The following COL4A2 variants were observed in gnomAD, a reference collection of about 807,000 sequenced individuals.
The protein encoded by COL4A2 is collagen type IV alpha 2 chain, also known as collagen alpha-2(IV) chain.
Under a neutral mutation model 200.2 loss-of-function variants are expected in COL4A2, and 99 were observed. The ratio of observed to expected loss-of-function variants is 0.49; its 90% CI spans 0.42 to 0.58. COL4A2 has a LOEUF of 0.58. Among genes scored for constraint, COL4A2 ranks in the 20% least tolerant of loss-of-function variants. COL4A2 has a pLI of 0.00. For missense variants in COL4A2, 1,950 were observed against 2,314.1 expected (o/e 0.84, Z 3.23); for synonymous variants, 897 against 900.6 (o/e 1.00, Z 0.07).
At chr13:110,424,640 C>CAAAAAAA in intron 4 of COL4A2, 94 bp from the exon 5 acceptor site, 88 of 698,924 alleles carry the variant, frequency 1.3e-4, no homozygotes, top group South Asian at 1.7e-4. Flanking sequence ...TCTTTAAAAA[C>CAAAAAAA]AAAAAAAAAA....
intron 4 of COL4A2, among the ~76,000 whole-genome samples, chr13:110,399,275 CGTA>C (rs1879290043): frequency 6.6e-6 from 1 of 152,194 alleles, no homozygotes; most frequent in African/African-American, 2.4e-5. Context: ...TTGTTCCTCC[CGTA>C]AGCCCTCAGA....
At chr13:110,437,627 T>A (rs1458095954) in intron 13 of COL4A2, among the ~76,000 whole-genome samples, 1 of 152,224 alleles carries the variant, frequency 6.6e-6, no homozygotes, top group East Asian at 1.9e-4. Context: ...GAGGGCCTCC[T>A]AGTAATGTTT....
chr13:110,431,558 G>A (rs547069614), intron 10 of COL4A2, among the ~76,000 whole-genome samples: 7 of 152,308 alleles, frequency 4.6e-5, no homozygotes, highest in East Asian at 3.9e-4. Flanking sequence ...AGGGTCATAC[G>A]AGGCGCTGTT....
chr13:110,440,712 C>T (rs1881088201), intron 16 of COL4A2, among the ~76,000 whole-genome samples: 1 of 152,204 alleles, frequency 6.6e-6, no homozygotes, highest in African/African-American at 2.4e-5. Context: ...GTGGTTGATG[C>T]CTTTTCACTG....
rs74516078 is a variant in COL4A2 at position 110,443,051 on chromosome 13, G to A, written c.958-2778G>A. On this transcript the variant is annotated intron_variant, in intron 16 of 47. Coordinates refer to ENST00000360467, the MANE Select transcript of COL4A2 (RefSeq NM_001846.4). Reference sequence around the variant, plus strand: ...TGTCGATGACTTGGACTCACCAGATGCAGCCTCAGTGTTCCCTGTGGCTGT... The same window carrying A: ...TGTCGATGACTTGGACTCACCAGATACAGCCTCAGTGTTCCCTGTGGCTGT... Among the ~76,000 whole-genome samples the A allele has an allele frequency of 6.7e-3, 1,017 of 152,326 alleles. 3 individuals are homozygous for A. The highest frequency in any genetic ancestry group is 0.011 in the Non-Finnish European group (765 of 68,022).
At chr13:110,350,725 TGCTAGAAAGCAG>T (rs1166706249) in intron 3 of COL4A2, among the ~76,000 whole-genome samples, 1 of 152,178 alleles carries the variant, frequency 6.6e-6, no homozygotes, top group Non-Finnish European at 1.5e-5. Flanking sequence ...CTGGAAGTCA[TGCTAGAAAGCAG>T]GTTCTGCTCC....
At chr13:110,501,858 G>A in intron 41 of COL4A2, 74 bp downstream of exon 41, 2 of 1,419,482 alleles carry the variant, frequency 1.4e-6, no homozygotes, top group Non-Finnish European at 2.0e-6. Context: ...TTAATGTAGG[G>A]GGAGAACAGA....
intron 45 of COL4A2, among the ~76,000 whole-genome samples, chr13:110,506,185 T>C (rs1007144215): frequency 1.3e-5 from 2 of 151,762 alleles, no homozygotes; most frequent in Non-Finnish European, 2.9e-5. Flanking sequence ...ACTCTCTCTC[T>C]CTCTCAGGCT....
rs370759851 is a variant in COL4A2, at chr13:110,384,721, G to C, written c.180+27169G>C. ...CCTTCCCAAGCCAAGTCACAGCTGA[G>C]CCCTGTGTCCTTAGCACCCTCCAAA... On this transcript the variant is annotated intron_variant, in intron 4 of 47. Transcript: ENST00000360467. Among the ~76,000 whole-genome samples the C allele has an allele frequency of 3.2e-4, 49 of 152,278 alleles. No homozygotes were observed. The South Asian group carries it at 8.1e-3, about 25-fold the overall frequency.
At position 110,385,869 on chromosome 13, in the gene COL4A2, G is replaced by C. The variant is rs528769984; in HGVS notation, c.180+28317G>C. On this transcript the variant is annotated intron_variant, in intron 4 of 47. Transcript: ENST00000360467. Reference sequence around the variant, plus strand: ...TGGATAGGCCGTGGTTGCAGCGTGTGGATGGGCCGTGGTTACAGCGTGTGG... The same window carrying C: ...TGGATAGGCCGTGGTTGCAGCGTGTCGATGGGCCGTGGTTACAGCGTGTGG... Among the ~76,000 whole-genome samples the C allele has an allele frequency of 1.4e-3, 174 of 121,694 alleles. 8 individuals carry two copies. The highest frequency in any genetic ancestry group is 4.6e-3 in the African/African-American group (144 of 31,194). The allele number at this position is 121,694 out of a possible 152,430, so 79.8% of individuals were successfully genotyped here.
intron 3 of COL4A2, among the ~76,000 whole-genome samples, chr13:110,350,338 A>G (rs1168857406): frequency 1.3e-5 from 2 of 152,238 alleles, no homozygotes; most frequent in Non-Finnish European, 2.9e-5. Flanking sequence ...TACCAGTTTC[A>G]GAACAGGAAA....
At chr13:110,373,960 C>T (rs761803610) in intron 4 of COL4A2, among the ~76,000 whole-genome samples, 3 of 152,200 alleles carry the variant, frequency 2.0e-5, no homozygotes, top group African/African-American at 4.8e-5. Context: ...TTTGCACGGC[C>T]GCAGTAGAGA....
intron 4 of COL4A2, among the ~76,000 whole-genome samples, chr13:110,377,576 G>A (rs11838637): frequency 0.35 from 53,876 of 152,096 alleles, 9,681 homozygotes; most frequent in East Asian, 0.45. Context: ...TCAGGAGGGT[G>A]GGAATTGTGA....
intron 29 of COL4A2, among the ~76,000 whole-genome samples, chr13:110,475,470 T>A (rs1414521393): frequency 6.6e-6 from 1 of 152,218 alleles, no homozygotes; most frequent in Non-Finnish European, 1.5e-5. Context: ...TTTTAAAACT[T>A]AATTACTTCC....
At chr13:110,356,754 G>A (rs192626773) in intron 3 of COL4A2, among the ~76,000 whole-genome samples, 3 of 146,156 alleles carry the variant, frequency 2.1e-5, no homozygotes, top group African/African-American at 7.5e-5. Context: ...GCTTGGCATC[G>A]GGCAGTTTAT....
chr13:110,364,202 C>A (rs866934709), intron 4 of COL4A2, among the ~76,000 whole-genome samples: 13 of 152,344 alleles, frequency 8.5e-5, no homozygotes, highest in Middle Eastern at 3.4e-3. Flanking sequence ...AGCAAAAACA[C>A]CACCTGGCTT....
rs1323569336 is a variant in COL4A2 at position 110,480,382 on chromosome 13, G to C, written c.2750G>C (p.Gly917Ala). Reference sequence around the variant, plus strand: ...ATTGATGGAATGCCTGGGACCCCCGGGCTAAAAGGTAATTGTGTGACTGTG... The same window carrying C: ...ATTGATGGAATGCCTGGGACCCCCGCGCTAAAAGGTAATTGTGTGACTGTG... ...KGIDGMPGTP[G>A]LKGDRGSPGM... The change falls in exon 31 of 48, where the codon GGG becomes GCG. Residue 917 changes from glycine (G) to alanine (A), a missense_variant. Transcript: ENST00000360467. 1 of 1,611,250 alleles carries C rather than the reference G, an allele frequency of 6.2e-7. No homozygotes were observed. Among genetic ancestry groups the C allele is most frequent in the Non-Finnish European group, 8.5e-7 (1 of 1,178,780 alleles).
chr13:110,479,964 G>GA (rs1458659478), intron 30 of COL4A2, among the ~76,000 whole-genome samples: 1 of 152,100 alleles, frequency 6.6e-6, no homozygotes, highest in Non-Finnish European at 1.5e-5. Context: ...CTTGGCTTCT[G>GA]AAGACTGCAG....
In COL4A2 at chr13:110,424,950, T is replaced by C. The variant is rs1352980106; in HGVS notation, c.316-3T>C. On this transcript the variant is annotated splice_polypyrimidine_tract_variant and splice_region_variant and intron_variant, in intron 5 of 47. Coordinates refer to ENST00000360467, the MANE Select transcript of COL4A2 (RefSeq NM_001846.4). ...TGGTTAATTGCATTTGCTTTCTTCA[T>C]AGGGAGCAAGAGGCGTTTCTGGATT... The C allele has an allele frequency of 6.2e-7, 1 of 1,614,248 alleles. No homozygotes were observed.
Sources: gnomAD v4.1 joint callset for allele counts (sites outside exome capture counted in the v4.1 genomes callset) on GRCh38, gnomAD v4.1.1 for gene constraint, MANE v1.5 for transcripts, NCBI Gene and HGNC (gene_info 2026-07-23, HGNC 2026-07-21) for gene names.